Variants in SLFN5 observed in about 807,000 individuals in gnomAD.
SLFN5 encodes the protein schlafen family member 5.
SLFN5 carries 34 observed loss-of-function variants against 48.5 expected under a neutral mutation model. That is an observed-to-expected ratio of 0.70 (90% CI 0.53 to 0.93). The LOEUF (loss-of-function observed/expected upper bound fraction) is 0.93, where lower values mean the gene tolerates loss of function less well. SLFN5 is among the 40% of genes least tolerant of loss of function. The pLI, the probability that SLFN5 is intolerant of heterozygous loss-of-function variation, is 0.00. For missense variants in SLFN5, 1,006 were observed against 1,071.3 expected, an observed-to-expected ratio of 0.94 and a Z score of 0.85; for synonymous variants, 387 against 396.2, an observed-to-expected ratio of 0.98 and a Z score of 0.28.
chr17:35,257,130 C>G (rs1165655992), intron 1 of SLFN5, among the ~76,000 whole-genome samples: 1 of 152,078 alleles, frequency 6.6e-6, no homozygotes, highest in Non-Finnish European at 1.5e-5. Context: ...AAATTGTCTT[C>G]CAAGAAACTG....
At chr17:35,257,158 T>C (rs141986327) in intron 1 of SLFN5, among the ~76,000 whole-genome samples, 1 of 152,208 alleles carries the variant, frequency 6.6e-6, no homozygotes, top group African/African-American at 2.4e-5. Flanking sequence ...GGACCACTGC[T>C]CTAAATCTAC....
At chr17:35,249,162 C>T (rs1237022777) in intron 1 of SLFN5, among the ~76,000 whole-genome samples, 4 of 152,100 alleles carry the variant, frequency 2.6e-5, no homozygotes, top group Admixed American at 2.6e-4. Context: ...TGGAGTTAAA[C>T]ATGAAATTGG....
Position 35,264,650 on chromosome 17 carries a change from G to C in SLFN5, c.1606G>C (p.Val536Leu), listed in dbSNP as rs772802829. 6.8e-6 allele frequency: 11 copies of C among 1,613,978 alleles called. No homozygotes were observed. The highest frequency in any genetic ancestry group is 5.0e-5 in the Admixed American group (3 of 59,988). ...MEALLQSLVIVLLGFKSFLSE... is the reference protein window; with the variant it reads ...MEALLQSLVILLLGFKSFLSE... ...AGCCCTGTTACAGTCCCTCGTGATA[G>C]TCTTGCTTGGGTTCAAATCCTTCTT... The change falls in exon 4 of 5, where the codon GTC becomes CTC. Residue 536 changes from valine (V) to leucine (L), a missense_variant. By Grantham distance (32) the Val-to-Leu change is conservative. Transcript: ENST00000299977.
In SLFN5 at chr17:35,258,730, T is replaced by C. The variant is rs749839275; in HGVS notation, c.40T>C (p.Cys14Arg). 2.5e-6 allele frequency: 4 copies of C among 1,613,670 alleles called. No homozygotes were observed. The African/African-American group carries it at 5.3e-5, about 22-fold the overall frequency. ...TGATGTGGATACAAACTTTCCTGAGTGTGTTGTAGATGCAGGAAAAGTCAC... is the reference window on the plus strand; with the variant it reads ...TGATGTGGATACAAACTTTCCTGAGCGTGTTGTAGATGCAGGAAAAGTCAC... ...RIDVDTNFPE[C>R]VVDAGKVTLG... Residue 14 changes from cysteine to arginine, a missense_variant, in exon 2 of 5, where the codon TGT becomes CGT. Physicochemically the swap from Cys to Arg is radical, Grantham distance 180 (BLOSUM62 -3). Coordinates refer to ENST00000299977, the MANE Select transcript of SLFN5 (RefSeq NM_144975.4).
intron 3 of SLFN5, among the ~76,000 whole-genome samples, chr17:35,263,156 G>A (rs1055666576): frequency 6.6e-6 from 1 of 151,916 alleles, no homozygotes; most frequent in African/African-American, 2.4e-5. Context: ...TTTGAGACAG[G>A]ATCTCACTCT....
In SLFN5 at chr17:35,270,591, T is replaced by C. The variant is rs1030492565; in HGVS notation, c.*4703T>C. Reference sequence around the variant, plus strand: ...CCTGAGGCTGAAGCCAAATTCATTTTGCCCCCAGTTGGCCAGACCAAAGCC... The same window carrying C: ...CCTGAGGCTGAAGCCAAATTCATTTCGCCCCCAGTTGGCCAGACCAAAGCC... On this transcript the variant is annotated 3_prime_UTR_variant, in exon 5 of 5. Transcript: ENST00000299977. The C allele has an allele frequency of 6.6e-6, 1 of 152,310 alleles. No individual in the cohort carries two copies. Among genetic ancestry groups the C allele is most frequent in the Non-Finnish European group, 1.5e-5 (1 of 68,110 alleles). 9.4% of individuals were successfully genotyped at this position (152,310 alleles called of 1,614,324 possible). A position where few individuals can be genotyped will look rare whatever the true frequency, so the allele number is the denominator to read the frequency against.
At chr17:35,262,176 C>A (rs565011935) in intron 3 of SLFN5, among the ~76,000 whole-genome samples, 1 of 151,742 alleles carries the variant, frequency 6.6e-6, no homozygotes, top group Non-Finnish European at 1.5e-5. Flanking sequence ...GTCAAGAGAT[C>A]GAGACCATCC....
At chr17:35,255,600 C>T (rs2092452319) in intron 1 of SLFN5, among the ~76,000 whole-genome samples, 1 of 152,164 alleles carries the variant, frequency 6.6e-6, no homozygotes, top group South Asian at 2.1e-4. Context: ...CTGCAGGGAA[C>T]CATTGTCTGC....
At chr17:35,260,409 C>T (rs924083105) in intron 2 of SLFN5, among the ~76,000 whole-genome samples, 3 of 152,150 alleles carry the variant, frequency 2.0e-5, no homozygotes, top group African/African-American at 7.2e-5. Flanking sequence ...CATCATTTTT[C>T]TTTAAAAAGT....
At position 35,262,767 on chromosome 17, in the gene SLFN5, G is replaced by A. The variant is rs138144576; in HGVS notation, c.1139-1416G>A. Among the ~76,000 whole-genome samples, 933 of 152,244 alleles carry A rather than the reference G, an allele frequency of 6.1e-3. 10 individuals carry two copies. Among genetic ancestry groups the A allele is most frequent in the African/African-American group, 0.021 (879 of 41,528 alleles). ...TAGTCCCAGCTACCTAGAAAGCTGA[G>A]GTGGGAGAATCACCTGAGCTCAGGA... On this transcript the variant is annotated intron_variant, in intron 3 of 4. Coordinates refer to ENST00000299977, the MANE Select transcript of SLFN5 (RefSeq NM_144975.4).
intron 3 of SLFN5, among the ~76,000 whole-genome samples, chr17:35,261,610 C>T (rs953945168): frequency 2.6e-5 from 4 of 152,010 alleles, no homozygotes; most frequent in African/African-American, 9.7e-5. Context: ...CTCAAGCGAT[C>T]CTTCCACCTG....
At chr17:35,263,906 TCTTTCCTAAATTGTAC>T (rs1904595813) in intron 3 of SLFN5, among the ~76,000 whole-genome samples, 1 of 152,174 alleles carries the variant, frequency 6.6e-6, no homozygotes, top group East Asian at 1.9e-4. Context: ...CATATTTTCT[TCTTTCCTAAATTGTAC>T]CTTTCCTTGG....
At chr17:35,261,402 G>A (rs184195139) in intron 3 of SLFN5, among the ~76,000 whole-genome samples, 1 of 152,244 alleles carries the variant, frequency 6.6e-6, no homozygotes, top group East Asian at 1.9e-4. Flanking sequence ...GGGCACAGTG[G>A]CTCATACCTG....
At chr17:35,262,135 C>A (rs1326089107) in intron 3 of SLFN5, among the ~76,000 whole-genome samples, 3 of 152,038 alleles carry the variant, frequency 2.0e-5, no homozygotes, top group South Asian at 2.1e-4. Flanking sequence ...AATCCCAGAG[C>A]TTTGGGAGGC....
chr17:35,264,182 G>T lies in SLFN5; in HGVS notation c.1139-1G>T, dbSNP rs781514214. 3 of 1,576,308 alleles carry T rather than the reference G, an allele frequency of 1.9e-6. No homozygotes were observed. On this transcript the variant is annotated splice_acceptor_variant, in intron 3 of 4. Coordinates refer to ENST00000299977, the MANE Select transcript of SLFN5 (RefSeq NM_144975.4). LOFTEE classifies it high-confidence loss of function. ...TTTCTTCCCATCCTTTCCCTGTCTA[G>T]TATTTTCAGACAGAGTGGTATATAC...
At chr17:35,257,869 A>G (rs1367526398) in intron 1 of SLFN5, among the ~76,000 whole-genome samples, 1 of 152,182 alleles carries the variant, frequency 6.6e-6, no homozygotes, top group African/African-American at 2.4e-5. Flanking sequence ...CCCAAGTCTC[A>G]GGGAGAGGAG....
At chr17:35,261,767 C>T (rs1456945054) in intron 3 of SLFN5, among the ~76,000 whole-genome samples, 2 of 151,492 alleles carry the variant, frequency 1.3e-5, no homozygotes, top group Non-Finnish European at 2.9e-5. Context: ...CCTTCACCTC[C>T]CGGGTTCAAG....
Position 35,269,490 on chromosome 17 carries a change from AAAAC to A in SLFN5, c.*3610_*3613del, listed in dbSNP as rs1259221719. 1 of 152,240 alleles carries A rather than the reference AAAAC, an allele frequency of 6.6e-6. No individual in the cohort carries two copies. Among genetic ancestry groups the A allele is most frequent in the South Asian group, 2.1e-4 (1 of 4,834 alleles). The allele number at this position is 152,240 out of a possible 1,614,324, so 9.4% of individuals were successfully genotyped here. On this transcript the variant is annotated 3_prime_UTR_variant, in exon 5 of 5. Transcript: ENST00000299977. ...AAACCAGGGTTTGGATCATTTTAAA[AAAAC>A]AAACAAAAATAATTTATTGGAATCA... is the stretch of plus-strand genomic sequence containing the variant.
At chr17:35,253,816 G>A (rs1447884610) in intron 1 of SLFN5, among the ~76,000 whole-genome samples, 2 of 149,316 alleles carry the variant, frequency 1.3e-5, no homozygotes, top group Non-Finnish European at 1.5e-5. Context: ...TTGTGCCTCA[G>A]CCTCCTGAGT....
Sources: allele counts gnomAD v4.1 joint callset (sites outside exome capture counted in the v4.1 genomes callset), GRCh38; gene constraint gnomAD v4.1.1; transcripts MANE v1.5; gene names NCBI Gene and HGNC (gene_info 2026-07-23, HGNC 2026-07-21).